FSTL4: variants seen among roughly 807,000 people sequenced by gnomAD.
FSTL4 encodes follistatin like 4.
In FSTL4, 28 loss-of-function variants were observed where a neutral mutation model predicts 78.2. The observed-to-expected ratio is 0.36, with a 90% CI of 0.27 to 0.49. The LOEUF (loss-of-function observed/expected upper bound fraction) is 0.49. Ranked by LOEUF, FSTL4 falls within the 20% of genes least tolerant of loss-of-function variation. The probability of loss-of-function intolerance (pLI) is 0.98; values close to 1 mark genes in which losing one functional copy is unlikely to be tolerated. For missense variants in FSTL4, 922 were observed against 1,084.9 expected, an observed-to-expected ratio of 0.85 and a Z score of 2.11; for synonymous variants, 422 against 440.5, an observed-to-expected ratio of 0.96 and a Z score of 0.53.
chr5:133,622,832 G>A, the FSTL4 span, among the ~76,000 whole-genome samples: 1 of 152,082 alleles, frequency 6.6e-6, no homozygotes, highest in Non-Finnish European at 1.5e-5. Context: ...GTTTAGAAAT[G>A]TTTTCCTCCA....
intron 7 of FSTL4, among the ~76,000 whole-genome samples, chr5:133,235,567 A>T (rs1427349464): frequency 6.6e-6 from 1 of 151,442 alleles, no homozygotes; most frequent in East Asian, 1.9e-4. Context: ...GCCCAGAGTG[A>T]AGCTTGGGGT....
the FSTL4 span, among the ~76,000 whole-genome samples, chr5:133,706,411 C>T: frequency 6.6e-6 from 1 of 152,180 alleles, no homozygotes; most frequent in Non-Finnish European, 1.5e-5. Context: ...GTTCATTAAA[C>T]ATCTTAGTTA....
the FSTL4 span, among the ~76,000 whole-genome samples, chr5:133,688,764 C>G: frequency 6.6e-6 from 1 of 152,298 alleles, no homozygotes; most frequent in Admixed American, 6.5e-5. Context: ...ATGACAGGGC[C>G]CACAGTTCTG....
chr5:133,458,839 T>C (rs1429912044), intron 3 of FSTL4, among the ~76,000 whole-genome samples: 2 of 152,216 alleles, frequency 1.3e-5, no homozygotes, highest in East Asian at 1.9e-4. Flanking sequence ...GTTTCAAGCG[T>C]TGGCTTGGAC....
chr5:133,200,050 G>T (rs1056392473), intron 15 of FSTL4, among the ~76,000 whole-genome samples: 2 of 152,214 alleles, frequency 1.3e-5, no homozygotes, highest in African/African-American at 4.8e-5. Context: ...CGTTGGAAAT[G>T]ATTATGGAGG....
chr5:133,628,756 T>TA, the FSTL4 span, among the ~76,000 whole-genome samples: 148 of 151,910 alleles, frequency 9.7e-4, 1 homozygote, highest in African/African-American at 3.5e-3. Context: ...TAGACACAAT[T>TA]AAAAAAATGA....
chr5:133,316,719 C>A, intron 4 of FSTL4, 67 bp from the exon 5 acceptor site: 2 of 1,336,998 alleles, frequency 1.5e-6, no homozygotes, highest in African/African-American at 2.9e-5. Context: ...ATTCTTGCCG[C>A]TGGTCCATTC....
chr5:133,704,719 C>G, the FSTL4 span, among the ~76,000 whole-genome samples: 2 of 152,218 alleles, frequency 1.3e-5, no homozygotes, highest in Non-Finnish European at 2.9e-5. Context: ...CACTCCACCC[C>G]CTGGGGTGTA....
chr5:133,814,724 G>A, the FSTL4 span, among the ~76,000 whole-genome samples: 165 of 152,300 alleles, frequency 1.1e-3, no homozygotes, highest in Non-Finnish European at 2.1e-3. Flanking sequence ...CAGTCAGCAA[G>A]CAGGGATCAG....
At chr5:133,752,898 C>T in the FSTL4 span, among the ~76,000 whole-genome samples, 13 of 152,082 alleles carry the variant, frequency 8.5e-5, no homozygotes, top group Non-Finnish European at 1.6e-4. Flanking sequence ...TATTTTCTTG[C>T]GCTCTGAGCC....
intron 3 of FSTL4, among the ~76,000 whole-genome samples, chr5:133,535,415 A>G (rs1759333122): frequency 6.6e-6 from 1 of 152,264 alleles, no homozygotes; most frequent in Admixed American, 6.5e-5. Context: ...AAAACCGCTT[A>G]AAGGCATTCT....
At chr5:133,362,706 G>C (rs1479438641) in intron 4 of FSTL4, among the ~76,000 whole-genome samples, 1 of 152,230 alleles carries the variant, frequency 6.6e-6, no homozygotes, top group African/African-American at 2.4e-5. Flanking sequence ...GCAGGCAAAA[G>C]AACACAAGGG....
the FSTL4 span, among the ~76,000 whole-genome samples, chr5:133,817,738 T>C: frequency 2.0e-5 from 3 of 152,016 alleles, no homozygotes; most frequent in African/African-American, 7.2e-5. Context: ...GCCCAGAAAA[T>C]GCAGTCTGTG....
chr5:133,664,836 A>G, the FSTL4 span, among the ~76,000 whole-genome samples: 90 of 152,346 alleles, frequency 5.9e-4, 1 homozygote, highest in South Asian at 3.7e-3. Flanking sequence ...CACTTCAAAC[A>G]TAGATGAAAA....
At chr5:133,590,259 C>G (rs932186437) in intron 2 of FSTL4, among the ~76,000 whole-genome samples, 1 of 152,146 alleles carries the variant, frequency 6.6e-6, no homozygotes, top group Admixed American at 6.5e-5. Flanking sequence ...ACACTGCCCC[C>G]TTTCATCCTC....
intron 4 of FSTL4, among the ~76,000 whole-genome samples, chr5:133,399,222 A>G (rs2126969886): frequency 6.6e-6 from 1 of 152,336 alleles, no homozygotes; most frequent in Non-Finnish European, 1.5e-5. Flanking sequence ...ATAAAGCTGG[A>G]GCAACTGGTC....
the FSTL4 span, among the ~76,000 whole-genome samples, chr5:133,699,267 G>C: frequency 3.3e-5 from 5 of 152,140 alleles, no homozygotes; most frequent in Admixed American, 2.6e-4. Flanking sequence ...GCTTCAGCCA[G>C]TCAGGCCATT....
At chr5:133,442,003 G>T (rs778336372) in intron 3 of FSTL4, among the ~76,000 whole-genome samples, 2 of 152,206 alleles carry the variant, frequency 1.3e-5, no homozygotes, top group African/African-American at 4.8e-5. Context: ...GGCTGGTAGG[G>T]ACAGCCCCTG....
chr5:133,397,228 A>G lies in FSTL4; in HGVS notation c.409+3510T>C, dbSNP rs148117367. 2.6e-3 allele frequency among the ~76,000 whole-genome samples: 396 copies of G among 152,366 alleles called. 3 individuals are homozygous for G. The highest frequency in any genetic ancestry group is 9.3e-3 in the African/African-American group (385 of 41,590). On this transcript the variant is annotated intron_variant, in intron 4 of 15. Transcript: ENST00000265342. ...GTCACAAGATAACTTTGAAAACACA[A>G]ACTCTATAAGAAGTTAAACAGTGAA...
Sources: gnomAD v4.1 joint callset for allele counts (sites outside exome capture counted in the v4.1 genomes callset) on GRCh38, gnomAD v4.1.1 for gene constraint, MANE v1.5 for transcripts, NCBI Gene and HGNC (gene_info 2026-07-23, HGNC 2026-07-21) for gene names.